The following WDPCP variants were observed in gnomAD, a reference collection of about 807,000 sequenced individuals.
The protein encoded by WDPCP is WD repeat containing planar cell polarity effector.
Under a neutral mutation model 93.1 loss-of-function variants are expected in WDPCP, and 71 were observed. The observed-to-expected ratio is 0.76, with a 90% CI of 0.63 to 0.93. The LOEUF is 0.93. Among genes scored for constraint, WDPCP ranks in the 40% least tolerant of loss-of-function variants. The probability of loss-of-function intolerance (pLI) is 0.00; values close to 1 mark genes in which losing one functional copy is unlikely to be tolerated. For missense variants in WDPCP, 844 were observed against 887.4 expected (o/e 0.95, Z 0.62); for synonymous variants, 315 against 315.0 (o/e 1.00, Z 0.00).
At chr2:63,642,204 T>A (rs1709988387) in intron 3 of WDPCP, among the ~76,000 whole-genome samples, 1 of 152,128 alleles carries the variant, frequency 6.6e-6, no homozygotes. Context: ...TAATTTTTTT[T>A]CTTACCCTAT....
intron 2 of WDPCP, among the ~76,000 whole-genome samples, chr2:63,765,500 TG>T (rs890090529): frequency 4.6e-5 from 7 of 152,166 alleles, no homozygotes; most frequent in African/African-American, 1.7e-4. Context: ...TGTAAGGTTG[TG>T]GGGTATGAAT....
At chr2:63,636,299 T>C (rs567784489) in intron 3 of WDPCP, among the ~76,000 whole-genome samples, 10 of 152,216 alleles carry the variant, frequency 6.6e-5, no homozygotes, top group Non-Finnish European at 1.5e-4. Flanking sequence ...ATAGATTCAA[T>C]ACAATCTTTG....
chr2:63,667,501 T>C (rs1157313427), intron 2 of WDPCP, among the ~76,000 whole-genome samples: 1 of 152,246 alleles, frequency 6.6e-6, no homozygotes, highest in African/African-American at 2.4e-5. Flanking sequence ...TGCCAGTTTT[T>C]GTTTGTTCAG....
chr2:63,680,702 C>T (rs896741526), intron 2 of WDPCP, among the ~76,000 whole-genome samples: 1 of 152,144 alleles, frequency 6.6e-6, no homozygotes, highest in African/African-American at 2.4e-5. Flanking sequence ...AGTGTGACAC[C>T]AGCTGGGGTG....
At chr2:63,216,121 A>C (rs1677313748) in intron 14 of WDPCP, among the ~76,000 whole-genome samples, 1 of 152,234 alleles carries the variant, frequency 6.6e-6, no homozygotes, top group Admixed American at 6.5e-5. Flanking sequence ...ACTGTAAACT[A>C]GTTCAACCAT....
chr2:63,303,982 A>AAG (rs1685529749), intron 13 of WDPCP, among the ~76,000 whole-genome samples: 1 of 151,584 alleles, frequency 6.6e-6, no homozygotes, highest in South Asian at 2.1e-4. Context: ...AAAAAAAAAA[A>AAG]AAAACAGATG....
intron 12 of WDPCP, among the ~76,000 whole-genome samples, chr2:63,363,120 A>G (rs2176416): frequency 0.78 from 119,176 of 151,836 alleles, 47,353 homozygotes; most frequent in East Asian, 0.97. Context: ...ATCTATGTTC[A>G]TAAAAAATAA....
chr2:63,748,057 C>T (rs73937271), intron 2 of WDPCP, among the ~76,000 whole-genome samples: 2,542 of 151,828 alleles, frequency 0.017, 79 homozygotes, highest in African/African-American at 0.058. Context: ...TATTTGCTAA[C>T]TCTAGCTGCT....
intron 2 of WDPCP, among the ~76,000 whole-genome samples, chr2:63,781,793 C>T (rs549944623): frequency 1.3e-5 from 2 of 152,250 alleles, no homozygotes; most frequent in East Asian, 3.9e-4. Context: ...GCCATAGTTC[C>T]AGTAAGTGAA....
chr2:63,503,171 G>A (rs1239163295), intron 1 of WDPCP, among the ~76,000 whole-genome samples: 4 of 152,110 alleles, frequency 2.6e-5, no homozygotes, highest in East Asian at 1.9e-4. Flanking sequence ...AACATTTTCC[G>A]TATTATAAGC....
Position 63,384,982 on chromosome 2 carries a change from G to C in WDPCP, c.1436-2888C>G, listed in dbSNP as rs1470117702. Among the ~76,000 whole-genome samples, 3 of 151,808 alleles carry C rather than the reference G, an allele frequency of 2.0e-5. No homozygotes were observed. In the East Asian group the frequency reaches 5.8e-4, roughly 29 times the overall value. ...TAAAAAGATAATATACCATGAACAA[G>C]CAAGATTACTCCCACAAATGCAAGG... On this transcript the variant is annotated intron_variant, in intron 10 of 17. Transcript: ENST00000272321.
intron 10 of WDPCP, among the ~76,000 whole-genome samples, chr2:63,396,815 C>T (rs764424895): frequency 2.4e-4 from 37 of 152,150 alleles, no homozygotes; most frequent in Non-Finnish European, 5.0e-4. Context: ...TCCCTCCTCC[C>T]AAACTCCACC....
intron 2 of WDPCP, among the ~76,000 whole-genome samples, chr2:63,812,660 A>C (rs893308974): frequency 6.6e-6 from 1 of 152,128 alleles, no homozygotes; most frequent in Non-Finnish European, 1.5e-5. Flanking sequence ...AGACCCAGCT[A>C]AACTGTGCCT....
chr2:63,670,234 C>T (rs1710329573), intron 2 of WDPCP, among the ~76,000 whole-genome samples: 2 of 152,112 alleles, frequency 1.3e-5, no homozygotes, highest in African/African-American at 4.8e-5. Context: ...AGGTGCCAGG[C>T]TTTTATATCA....
At chr2:63,617,332 A>C (rs1003432188) in intron 3 of WDPCP, among the ~76,000 whole-genome samples, 18 of 152,240 alleles carry the variant, frequency 1.2e-4, no homozygotes, top group African/African-American at 3.6e-4. Flanking sequence ...TTTCAAATGA[A>C]ATTATAACCT....
At chr2:63,605,872 T>A in intron 3 of WDPCP, 1 of 1,306,178 alleles carries the variant, frequency 7.7e-7, no homozygotes, top group Non-Finnish European at 1.1e-6. Context: ...CTGGTTTAAT[T>A]TTATTAGTTC....
In WDPCP at chr2:63,687,367, T is replaced by C. The variant is rs1668820373; in HGVS notation, n.309-36529A>G. On this transcript the variant is annotated intron_variant and non_coding_transcript_variant, in intron 2 of 4. Coordinates refer to the WDPCP transcript ENST00000467687. ...AGTTAAAAAGCTTTCTGCCCAGCAA[T>C]GGAAGCAATCAACAAAATGAAGAGA... Among the ~76,000 whole-genome samples the C allele has an allele frequency of 2.0e-5, 3 of 152,138 alleles. No homozygotes were observed. The South Asian group carries it at 6.2e-4, about 31-fold the overall frequency.
chr2:63,484,823 A>G, intron 5 of WDPCP, 94 bp downstream of exon 5: 4 of 1,498,422 alleles, frequency 2.7e-6, no homozygotes, highest in Non-Finnish European at 3.7e-6. Flanking sequence ...TATCATCACC[A>G]TGAGAGTTGA....
At chr2:63,303,546 A>G (rs1421748859) in intron 13 of WDPCP, among the ~76,000 whole-genome samples, 1 of 152,206 alleles carries the variant, frequency 6.6e-6, no homozygotes, top group Non-Finnish European at 1.5e-5. Context: ...CTAAGCTAGA[A>G]AAAGACTCAG....
Sources: allele counts gnomAD v4.1 joint callset (sites outside exome capture counted in the v4.1 genomes callset), GRCh38; gene constraint gnomAD v4.1.1; transcripts MANE v1.5; gene names NCBI Gene and HGNC (gene_info 2026-07-23, HGNC 2026-07-21).